Variants in XKR4 observed in about 807,000 individuals in gnomAD.
XKR4 encodes the protein XK related 4.
Under a neutral mutation model 53.9 loss-of-function variants are expected in XKR4, and 12 were observed. That is an observed-to-expected ratio of 0.22 (90% CI 0.14 to 0.36). The LOEUF (loss-of-function observed/expected upper bound fraction) is 0.36, where lower values mean the gene tolerates loss of function less well. XKR4 is among the 10% of genes least tolerant of loss of function. The pLI is 1.00. For synonymous variants in XKR4, 354 were observed against 362.4 expected, an observed-to-expected ratio of 0.98 and a Z score of 0.26; for missense variants, 799 against 859.5, an observed-to-expected ratio of 0.93 and a Z score of 0.88.
intron 2 of XKR4, among the ~76,000 whole-genome samples, chr8:55,443,762 A>G (rs4738133): frequency 0.15 from 22,292 of 149,894 alleles, 2,113 homozygotes; most frequent in East Asian, 0.41. Context: ...AATCACTTGA[A>G]TCCAGGAGGC....
At position 55,441,064 on chromosome 8, in the gene XKR4, C is replaced by CAA. The variant is rs10598855; in HGVS notation, c.1007-82201_1007-82200dup. On this transcript the variant is annotated intron_variant, in intron 2 of 2. Transcript: ENST00000327381. ...ACAACACAATGACACCTCATCTCTA[C>CAA]AAAAAAAAAAAAAAAAATGTTTAAA... is the stretch of plus-strand genomic sequence containing the variant. Among the ~76,000 whole-genome samples, 22 of 119,082 alleles carry CAA rather than the reference C, an allele frequency of 1.8e-4. No individual in the cohort carries two copies. In the East Asian group the frequency reaches 2.1e-3, roughly 11 times the overall value. 78.1% of individuals were successfully genotyped at this position (119,082 alleles called of 152,430 possible).
intron 2 of XKR4, among the ~76,000 whole-genome samples, chr8:55,513,729 T>G (rs1052711837): frequency 1.3e-5 from 2 of 152,240 alleles, no homozygotes; most frequent in African/African-American, 2.4e-5. Context: ...TGGGCTTTCA[T>G]GCAGACAGCA....
At chr8:55,149,776 A>G (rs111246094) in intron 1 of XKR4, among the ~76,000 whole-genome samples, 1 of 152,346 alleles carries the variant, frequency 6.6e-6, no homozygotes, top group African/African-American at 2.4e-5. Flanking sequence ...TTGCAGAAGC[A>G]GGTGCTGCCT....
intron 2 of XKR4, chr8:55,453,128 AC>A (rs1372781939): frequency 1.9e-6 from 1 of 530,282 alleles, no homozygotes; most frequent in East Asian, 5.2e-5. Flanking sequence ...TCCCAGTAGA[AC>A]ACGGCCTCCC....
At chr8:55,451,739 C>T in intron 2 of XKR4, 1 of 1,208,364 alleles carries the variant, frequency 8.3e-7, no homozygotes, top group Non-Finnish European at 1.2e-6. Flanking sequence ...CGGAAGGATT[C>T]AGACTTGGCC....
rs188741179 is a variant in XKR4 at position 55,502,221 on chromosome 8, C to T, written c.1007-21060C>T. ...ATGCAGAACCCATGGGCAAAGAGGG[C>T]TGACTATGTATCCAGAAATGGAATT... On this transcript the variant is annotated intron_variant, in intron 2 of 2. Coordinates refer to ENST00000327381, the MANE Select transcript of XKR4 (RefSeq NM_052898.2). Among the ~76,000 whole-genome samples the T allele has an allele frequency of 6.8e-4, 103 of 152,180 alleles. No homozygotes were observed. The South Asian group carries it at 0.012, about 18-fold the overall frequency.
intron 1 of XKR4, among the ~76,000 whole-genome samples, chr8:55,328,627 C>A (rs1050775418): frequency 6.6e-6 from 1 of 152,210 alleles, no homozygotes; most frequent in African/African-American, 2.4e-5. Flanking sequence ...GTTCACATTG[C>A]ACAGAGAGCA....
intron 1 of XKR4, among the ~76,000 whole-genome samples, chr8:55,190,590 C>T (rs1817432884): frequency 6.6e-6 from 1 of 152,138 alleles, no homozygotes; most frequent in African/African-American, 2.4e-5. Flanking sequence ...TCAGTTGATT[C>T]TATGATCACT....
intron 1 of XKR4, among the ~76,000 whole-genome samples, chr8:55,266,858 T>A (rs544339407): frequency 6.6e-6 from 1 of 152,190 alleles, no homozygotes; most frequent in African/African-American, 2.4e-5. Flanking sequence ...ATATCCTGTA[T>A]AAATATCATT....
At chr8:55,255,574 T>C (rs890034819) in intron 1 of XKR4, among the ~76,000 whole-genome samples, 2 of 152,212 alleles carry the variant, frequency 1.3e-5, no homozygotes, top group East Asian at 3.9e-4. Flanking sequence ...GATCAGGGTA[T>C]GCTTAGTGTA....
At chr8:55,522,945 A>C (rs1806819113) in intron 2 of XKR4, among the ~76,000 whole-genome samples, 1 of 152,090 alleles carries the variant, frequency 6.6e-6, no homozygotes, top group Non-Finnish European at 1.5e-5. Flanking sequence ...CCCAAAGAAA[A>C]TCCTGGCTTA....
At chr8:55,168,752 C>T (rs563156295) in intron 1 of XKR4, among the ~76,000 whole-genome samples, 1 of 152,310 alleles carries the variant, frequency 6.6e-6, no homozygotes, top group Admixed American at 6.5e-5. Context: ...CTCAGCTTCT[C>T]CTTGCTGGTC....
At chr8:55,441,160 AG>A (rs1215797715) in intron 2 of XKR4, among the ~76,000 whole-genome samples, 3 of 152,152 alleles carry the variant, frequency 2.0e-5, no homozygotes, top group African/African-American at 7.2e-5. Flanking sequence ...GGATCACTTA[AG>A]CTTGGGAGGT....
intron 2 of XKR4, among the ~76,000 whole-genome samples, chr8:55,499,912 C>T (rs1194008492): frequency 6.6e-6 from 1 of 152,086 alleles, no homozygotes; most frequent in Non-Finnish European, 1.5e-5. Flanking sequence ...GGTGTGCCCT[C>T]CTTGTGTCTA....
At chr8:55,135,899 T>G (rs542494125) in intron 1 of XKR4, among the ~76,000 whole-genome samples, 6 of 151,888 alleles carry the variant, frequency 4.0e-5, no homozygotes, top group African/African-American at 9.7e-5. Context: ...CTTTTTTTTT[T>G]TTTTTGTTTT....
At chr8:55,397,789 C>T (rs986954573) in intron 2 of XKR4, among the ~76,000 whole-genome samples, 4 of 152,098 alleles carry the variant, frequency 2.6e-5, no homozygotes, top group African/African-American at 9.7e-5. Context: ...TCCTTAAAAA[C>T]CTCGGTGTCT....
chr8:55,380,132 T>C (rs1282748555), intron 2 of XKR4, among the ~76,000 whole-genome samples: 3 of 152,242 alleles, frequency 2.0e-5, no homozygotes, highest in African/African-American at 7.2e-5. Context: ...CCATTGGTTC[T>C]GATGAGAGAC....
chr8:55,507,871 G>A (rs368032028), intron 2 of XKR4, among the ~76,000 whole-genome samples: 1 of 152,064 alleles, frequency 6.6e-6, no homozygotes, highest in Non-Finnish European at 1.5e-5. Context: ...CCCAGTAATG[G>A]GATGACTGAG....
intron 1 of XKR4, among the ~76,000 whole-genome samples, chr8:55,268,791 G>A (rs374056922): frequency 6.6e-6 from 1 of 152,168 alleles, no homozygotes; most frequent in African/African-American, 2.4e-5. Flanking sequence ...ATTAGATGAG[G>A]AGATGGAGGT....
Sources: allele counts gnomAD v4.1 joint callset (sites outside exome capture counted in the v4.1 genomes callset), GRCh38; gene constraint gnomAD v4.1.1; transcripts MANE v1.5; gene names NCBI Gene and HGNC (gene_info 2026-07-23, HGNC 2026-07-21).